The following PTPRN2 variants were observed in gnomAD, a reference collection of about 807,000 sequenced individuals.
PTPRN2 encodes the protein receptor-type tyrosine-protein phosphatase N2.
Under a neutral mutation model 118.8 loss-of-function variants are expected in PTPRN2, and 74 were observed. The ratio of observed to expected loss-of-function variants is 0.62; its 90% CI spans 0.52 to 0.76. PTPRN2 has a LOEUF of 0.76. PTPRN2 is among the 30% of genes least tolerant of loss of function. The pLI is 0.00. For missense variants in PTPRN2, 1,481 were observed against 1,394.4 expected (o/e 1.06, Z -0.99); for synonymous variants, 641 against 608.0 (o/e 1.05, Z -0.80).
At chr7:157,975,441 G>A (rs1802668659) in intron 11 of PTPRN2, among the ~76,000 whole-genome samples, 1 of 152,066 alleles carries the variant, frequency 6.6e-6, no homozygotes, top group African/African-American at 2.4e-5. Context: ...GTGTCCTCTT[G>A]CTCTCCTGGG....
At position 158,317,990 on chromosome 7, in the gene PTPRN2, G is replaced by A. The variant is rs1373435725; in HGVS notation, c.164-1058C>T. ...GAATCCGGGAGGCAGCCTGGCAGCT[G>A]CGCGGGCGGGCGGACAATGGCAAGG... On this transcript the variant is annotated intron_variant, in intron 2 of 22. Coordinates refer to ENST00000389418, the MANE Select transcript of PTPRN2 (RefSeq NM_002847.5). Among the ~76,000 whole-genome samples the A allele has an allele frequency of 3.9e-5, 6 of 152,184 alleles. No individual in the cohort carries two copies. In the East Asian group the frequency reaches 1.2e-3, roughly 29 times the overall value.
At chr7:158,583,787 G>A (rs1828769060) in intron 1 of PTPRN2, among the ~76,000 whole-genome samples, 1 of 152,158 alleles carries the variant, frequency 6.6e-6, no homozygotes, top group Non-Finnish European at 1.5e-5. Context: ...GAGAGACAGG[G>A]AACAACAGGC....
chr7:158,304,902 C>T (rs1801170211), intron 3 of PTPRN2, among the ~76,000 whole-genome samples: 1 of 152,240 alleles, frequency 6.6e-6, no homozygotes, highest in Admixed American at 6.5e-5. Flanking sequence ...GGATTCTCTA[C>T]AGAATGTAGA....
chr7:157,684,380 G>A (rs1051618628), intron 12 of PTPRN2, among the ~76,000 whole-genome samples: 1 of 149,386 alleles, frequency 6.7e-6, no homozygotes, highest in East Asian at 2.0e-4. Context: ...GGAAGGAAAG[G>A]GGGAGGGAGA....
At chr7:158,285,304 G>A (rs1799697102) in intron 3 of PTPRN2, among the ~76,000 whole-genome samples, 1 of 152,190 alleles carries the variant, frequency 6.6e-6, no homozygotes, top group Non-Finnish European at 1.5e-5. Context: ...AGGAGAAGGT[G>A]CCAGGACTCC....
At chr7:157,900,317 C>T (rs116284137) in intron 11 of PTPRN2, among the ~76,000 whole-genome samples, 5 of 152,218 alleles carry the variant, frequency 3.3e-5, no homozygotes, top group African/African-American at 9.7e-5. Context: ...TTCCAACAAA[C>T]CTTTATTTAC....
At chr7:157,853,921 C>A (rs933276561) in intron 12 of PTPRN2, among the ~76,000 whole-genome samples, 1 of 152,138 alleles carries the variant, frequency 6.6e-6, no homozygotes, top group Non-Finnish European at 1.5e-5. Context: ...GGCGGAGATG[C>A]GGACACGGGG....
intron 11 of PTPRN2, among the ~76,000 whole-genome samples, chr7:158,040,755 T>A (rs1171749082): frequency 6.7e-6 from 1 of 148,684 alleles, no homozygotes; most frequent in Non-Finnish European, 1.5e-5. Flanking sequence ...TTTTTTGAGA[T>A]GGAATCTCAC....
At chr7:157,626,897 C>T (rs949760240) in intron 14 of PTPRN2, among the ~76,000 whole-genome samples, 8 of 152,234 alleles carry the variant, frequency 5.3e-5, no homozygotes, top group African/African-American at 1.9e-4. Context: ...CATGACCTTG[C>T]TGCCATCTTC....
chr7:158,243,178 C>A (rs1795994256), intron 3 of PTPRN2, among the ~76,000 whole-genome samples: 1 of 152,218 alleles, frequency 6.6e-6, no homozygotes, highest in African/African-American at 2.4e-5. Context: ...AGCACAGACG[C>A]CTTCACTTCA....
chr7:158,268,514 G>A (rs1414408594), intron 3 of PTPRN2, among the ~76,000 whole-genome samples: 12 of 145,388 alleles, frequency 8.3e-5, no homozygotes, highest in East Asian at 2.1e-4. Context: ...CAAACAGGGC[G>A]GGTGTGAAAT....
At chr7:158,071,123 G>T (rs868023290) in intron 11 of PTPRN2, among the ~76,000 whole-genome samples, 1 of 54,890 alleles carries the variant, frequency 1.8e-5, no homozygotes, top group Non-Finnish European at 3.5e-5. Context: ...GGAGGTGCCC[G>T]TGGTGGTGGA....
Position 158,535,302 on chromosome 7 carries a change from A to G in PTPRN2, c.113-45517T>C, listed in dbSNP as rs1825581841. ...CTTTGAGCCAACCACACCTAATGTC[A>G]ATGCTCACTCCCTCCCCATTCAGCT... On this transcript the variant is annotated intron_variant, in intron 1 of 22. Coordinates refer to ENST00000389418, the MANE Select transcript of PTPRN2 (RefSeq NM_002847.5). Among the ~76,000 whole-genome samples the G allele has an allele frequency of 5.3e-5, 8 of 152,138 alleles. No individual in the cohort carries two copies. The South Asian group carries it at 1.7e-3, about 32-fold the overall frequency.
chr7:158,277,423 C>T (rs563039153), intron 3 of PTPRN2, among the ~76,000 whole-genome samples: 14 of 152,284 alleles, frequency 9.2e-5, no homozygotes, highest in Admixed American at 2.6e-4. Flanking sequence ...GATGGAGACA[C>T]GGACGTTTGT....
chr7:158,136,698 G>A lies in PTPRN2; in HGVS notation c.1133-3C>T, dbSNP rs1309228174. 3.1e-6 allele frequency: 5 copies of A among 1,613,620 alleles called. No individual in the cohort carries two copies. The highest frequency in any genetic ancestry group is 2.2e-5 in the East Asian group (1 of 44,872). On this transcript the variant is annotated splice_polypyrimidine_tract_variant and splice_region_variant and intron_variant, in intron 7 of 22. Transcript: ENST00000389418. ...ATCGTCGTCCTGCACTCCGTCATCT[G>A]TAAAAGACACCAGTGTTACCAAGAC...
In PTPRN2 at chr7:157,694,375, G is replaced by C. The variant is rs531724747; in HGVS notation, c.1789-11438C>G. 5.3e-5 allele frequency among the ~76,000 whole-genome samples: 8 copies of C among 152,268 alleles called. No individual in the cohort carries two copies. In the South Asian group the frequency reaches 1.7e-3, roughly 32 times the overall value. On this transcript the variant is annotated intron_variant, in intron 12 of 22. Transcript: ENST00000389418. ...CGGCAATATATTCTGGGTGGCAGAC[G>C]GTTATTTATGTCTGAGAGCCTCCAA...
chr7:158,316,802 G>A lies in PTPRN2; in HGVS notation c.277+17C>T. On this transcript the variant is annotated intron_variant, in intron 3 of 22. Transcript: ENST00000389418. ...TCAGTGCGGCAGCCGCCGAGCCTCG[G>A]CCCACGCCCGCCCTACCTGTGCCGG... is the stretch of plus-strand genomic sequence containing the variant. 3 of 1,577,060 alleles carry A rather than the reference G, an allele frequency of 1.9e-6. No homozygotes were observed. Among genetic ancestry groups the A allele is most frequent in the Non-Finnish European group, 2.6e-6 (3 of 1,166,882 alleles).
At chr7:157,782,192 G>A (rs980161606) in intron 12 of PTPRN2, among the ~76,000 whole-genome samples, 1 of 152,254 alleles carries the variant, frequency 6.6e-6, no homozygotes, top group African/African-American at 2.4e-5. Context: ...GGCCACAGAG[G>A]TGTGCAGTGC....
intron 2 of PTPRN2, among the ~76,000 whole-genome samples, chr7:158,411,804 A>G (rs1326235037): frequency 6.6e-6 from 1 of 152,038 alleles, no homozygotes; most frequent in Admixed American, 6.5e-5. Flanking sequence ...CAGGTCAGTC[A>G]CTGGCCTTCC....
Sources: gnomAD v4.1 joint callset for allele counts (sites outside exome capture counted in the v4.1 genomes callset) on GRCh38, gnomAD v4.1.1 for gene constraint, MANE v1.5 for transcripts, NCBI Gene and HGNC (gene_info 2026-07-23, HGNC 2026-07-21) for gene names.